CWC27: variants seen among roughly 807,000 people sequenced by gnomAD.
CWC27 encodes spliceosome-associated protein CWC27 homolog.
Under a neutral mutation model 63.6 loss-of-function variants are expected in CWC27, and 47 were observed. The ratio of observed to expected loss-of-function variants is 0.74; its 90% confidence interval spans 0.58 to 0.94. The LOEUF (loss-of-function observed/expected upper bound fraction) is 0.94. CWC27 is among the 40% of genes least tolerant of loss of function. The pLI, the probability that CWC27 is intolerant of heterozygous loss-of-function variation, is 0.00. For missense variants in CWC27, 495 were observed against 554.3 expected (o/e 0.89, Z 1.07); for synonymous variants, 175 against 179.8 (o/e 0.97, Z 0.22).
intron 11 of CWC27, among the ~76,000 whole-genome samples, chr5:64,967,318 G>T (rs1284392405): frequency 1.3e-5 from 2 of 151,926 alleles, no homozygotes; most frequent in African/African-American, 4.8e-5. Flanking sequence ...GTAAAACTTT[G>T]ATAGATTCAC....
At chr5:64,853,152 T>C (rs1416767704) in intron 10 of CWC27, among the ~76,000 whole-genome samples, 1 of 152,212 alleles carries the variant, frequency 6.6e-6, no homozygotes, top group Non-Finnish European at 1.5e-5. Flanking sequence ...CTCAACAATA[T>C]GGAAAAACTT....
In CWC27 at chr5:64,774,787, G is replaced by T; in HGVS notation, c.139G>T (p.Ala47Ser). The T allele has an allele frequency of 8.7e-7, 1 of 1,148,462 alleles. No individual in the cohort carries two copies. The highest frequency in any genetic ancestry group is 1.2e-6 in the Non-Finnish European group (1 of 849,880). 71.1% of individuals were successfully genotyped at this position (1,148,462 alleles called of 1,614,324 possible). The change falls in exon 2 of 14, where the codon GCT becomes TCT. Residue 47 changes from alanine to serine, a missense_variant and splice_region_variant. By Grantham distance (99) the Ala-to-Ser change is moderately conservative. Coordinates refer to ENST00000381070, the MANE Select transcript of CWC27 (RefSeq NM_005869.4). ...AAATTTTATCCAACTTTGTTTGGAA[G>T]GTATGTTGACTTTTATTCTACTGGA... ...CRNFIQLCLEAYYDNTIFHRV... is the reference protein window; with the variant it reads ...CRNFIQLCLESYYDNTIFHRV...
At chr5:64,918,436 T>TA (rs952293519) in intron 11 of CWC27, among the ~76,000 whole-genome samples, 92 of 151,318 alleles carry the variant, frequency 6.1e-4, no homozygotes, top group East Asian at 3.9e-4. Context: ...TTGCCACAAA[T>TA]AAAAAAAAAC....
intron 10 of CWC27, among the ~76,000 whole-genome samples, chr5:64,808,978 G>T (rs1156265803): frequency 6.6e-6 from 1 of 151,918 alleles, no homozygotes; most frequent in Non-Finnish European, 1.5e-5. Context: ...ATTTCATAGT[G>T]CACATAAGTA....
chr5:64,782,485 G>A (rs942760897), intron 3 of CWC27, among the ~76,000 whole-genome samples: 11 of 40,008 alleles, frequency 2.7e-4, no homozygotes, highest in East Asian at 9.1e-4. Flanking sequence ...TAAATAAATT[G>A]TCTGTAAAAG....
At chr5:64,793,875 G>A (rs998140194) in intron 7 of CWC27, among the ~76,000 whole-genome samples, 2 of 152,062 alleles carry the variant, frequency 1.3e-5, no homozygotes, top group Non-Finnish European at 2.9e-5. Context: ...TATGTGAAAG[G>A]AGAAATAAGA....
chr5:64,787,224 T>TTTTG (rs142579302), intron 6 of CWC27, among the ~76,000 whole-genome samples: 111 of 151,076 alleles, frequency 7.3e-4, no homozygotes, highest in Non-Finnish European at 1.3e-3. Context: ...ATATTAGTGG[T>TTTTG]TTTGTTTGTT....
intron 11 of CWC27, among the ~76,000 whole-genome samples, chr5:64,929,440 T>C (rs1408417080): frequency 6.6e-6 from 1 of 152,152 alleles, no homozygotes; most frequent in Non-Finnish European, 1.5e-5. Context: ...GAAGCCATCT[T>C]GAAAGGGCCT....
chr5:64,889,299 T>G (rs1365731601), intron 11 of CWC27, among the ~76,000 whole-genome samples: 1 of 152,240 alleles, frequency 6.6e-6, no homozygotes. Flanking sequence ...ATTATTGGCA[T>G]GGTTTTGATC....
chr5:64,942,918 C>T (rs1263967419), intron 11 of CWC27, among the ~76,000 whole-genome samples: 1 of 152,130 alleles, frequency 6.6e-6, no homozygotes, highest in Non-Finnish European at 1.5e-5. Context: ...TGAAGAGGCT[C>T]ATTGTACTCA....
chr5:64,967,516 A>G (rs577141774), intron 11 of CWC27, among the ~76,000 whole-genome samples: 2 of 152,134 alleles, frequency 1.3e-5, no homozygotes, highest in African/African-American at 4.8e-5. Flanking sequence ...ACACTAACTG[A>G]TTCAAGACTT....
chr5:64,796,984 C>A (rs1045129346), intron 7 of CWC27, among the ~76,000 whole-genome samples: 2 of 144,404 alleles, frequency 1.4e-5, no homozygotes, highest in African/African-American at 2.6e-5. Flanking sequence ...CTGCCCCCTT[C>A]TACCTGTATT....
At chr5:65,014,637 G>GATTGTAA (rs1750019647) in intron 13 of CWC27, among the ~76,000 whole-genome samples, 1 of 151,992 alleles carries the variant, frequency 6.6e-6, no homozygotes, top group Non-Finnish European at 1.5e-5. Flanking sequence ...TAAACTATCA[G>GATTGTAA]ACCCCCTGTA....
At chr5:64,851,361 G>A (rs1746129785) in intron 10 of CWC27, among the ~76,000 whole-genome samples, 1 of 152,068 alleles carries the variant, frequency 6.6e-6, no homozygotes. Context: ...ACTCATAGAA[G>A]CACAGTAGAA....
chr5:65,009,700 T>A (rs1749912295), intron 13 of CWC27, among the ~76,000 whole-genome samples: 1 of 152,146 alleles, frequency 6.6e-6, no homozygotes, highest in Non-Finnish European at 1.5e-5. Context: ...AAGGACACAG[T>A]GAGAAGGCAG....
chr5:65,003,941 C>T (rs1476270417), intron 13 of CWC27, among the ~76,000 whole-genome samples: 2 of 151,754 alleles, frequency 1.3e-5, no homozygotes, highest in Non-Finnish European at 2.9e-5. Context: ...GCCTCCCCAG[C>T]TCAAGCGATT....
intron 8 of CWC27, 83 bp downstream of exon 8, chr5:64,800,410 A>G: frequency 2.2e-6 from 2 of 889,746 alleles, no homozygotes; most frequent in Non-Finnish European, 3.4e-6. Flanking sequence ...GTAAACAGTC[A>G]GTCCTCATAA....
At chr5:64,838,935 A>G (rs1264130912) in intron 10 of CWC27, among the ~76,000 whole-genome samples, 2 of 152,172 alleles carry the variant, frequency 1.3e-5, no homozygotes, top group African/African-American at 4.8e-5. Flanking sequence ...CAGTCATACT[A>G]TGAAAATAAT....
chr5:64,851,204 C>T (rs1345752806), intron 10 of CWC27, among the ~76,000 whole-genome samples: 1 of 152,102 alleles, frequency 6.6e-6, no homozygotes, highest in Non-Finnish European at 1.5e-5. Context: ...GTATGCACAA[C>T]GGAATACTTT....
Sources: gnomAD v4.1 joint callset for allele counts (sites outside exome capture counted in the v4.1 genomes callset) on GRCh38, gnomAD v4.1.1 for gene constraint, MANE v1.5 for transcripts, NCBI Gene and HGNC (gene_info 2026-07-23, HGNC 2026-07-21) for gene names.